The following PPP3CA variants were observed in gnomAD, a reference collection of about 807,000 sequenced individuals.
The protein encoded by PPP3CA is CAM-PRP catalytic subunit.
Under a neutral mutation model 66.5 loss-of-function variants are expected in PPP3CA, and 14 were observed. That is an observed-to-expected ratio of 0.21 (90% confidence interval 0.14 to 0.33). The LOEUF is 0.33. PPP3CA is among the 10% of genes least tolerant of loss of function. The pLI, the probability that PPP3CA is intolerant of heterozygous loss-of-function variation, is 1.00. For synonymous variants in PPP3CA, 232 were observed against 226.2 expected, an observed-to-expected ratio of 1.03 and a Z score of -0.23; for missense variants, 317 against 639.5, an observed-to-expected ratio of 0.50 and a Z score of 5.44.
intron 1 of PPP3CA, among the ~76,000 whole-genome samples, chr4:101,318,270 T>G (rs1391292699): frequency 1.3e-5 from 2 of 152,184 alleles, no homozygotes; most frequent in African/African-American, 2.4e-5. Flanking sequence ...CAGTGCCAAT[T>G]AAATTATTCC....
chr4:101,096,839 C>A (rs1365275208), intron 5 of PPP3CA, among the ~76,000 whole-genome samples: 1 of 152,128 alleles, frequency 6.6e-6, no homozygotes, highest in Non-Finnish European at 1.5e-5. Flanking sequence ...AATGGGAAAA[C>A]ACTGTTTACT....
chr4:101,088,133 C>G (rs999588273), intron 6 of PPP3CA, among the ~76,000 whole-genome samples: 1 of 151,824 alleles, frequency 6.6e-6, no homozygotes, highest in African/African-American at 2.4e-5. Flanking sequence ...TCTCTCTCCC[C>G]CTCCCCACCA....
chr4:101,345,554 G>T (rs1729955229), intron 1 of PPP3CA, among the ~76,000 whole-genome samples: 3 of 152,090 alleles, frequency 2.0e-5, no homozygotes, highest in Admixed American at 1.3e-4. Flanking sequence ...TCTCTGCTTT[G>T]CTTGGTGTCC....
At chr4:101,299,965 G>C (rs1217794715) in intron 1 of PPP3CA, among the ~76,000 whole-genome samples, 1 of 147,422 alleles carries the variant, frequency 6.8e-6, no homozygotes, top group African/African-American at 2.7e-5. Flanking sequence ...ATTTGCAAAG[G>C]TGATCAAGAT....
At chr4:101,162,715 C>T (rs79066523) in intron 2 of PPP3CA, among the ~76,000 whole-genome samples, 2,423 of 152,132 alleles carry the variant, frequency 0.016, 63 homozygotes, top group African/African-American at 0.056. Flanking sequence ...TATGCATGCA[C>T]GCTAATTACA....
At chr4:101,157,865 G>T (rs1578504551) in intron 2 of PPP3CA, among the ~76,000 whole-genome samples, 1 of 77,070 alleles carries the variant, frequency 1.3e-5, no homozygotes, top group East Asian at 4.4e-4. Context: ...TCCTTAGGAG[G>T]CAAAAAAAAA....
chr4:101,241,582 A>C (rs1391639211), intron 1 of PPP3CA, among the ~76,000 whole-genome samples: 1 of 152,270 alleles, frequency 6.6e-6, no homozygotes, highest in East Asian at 1.9e-4. Context: ...ACAATAGCCA[A>C]TATTAATCCA....
At chr4:101,056,001 G>GT (rs1251273371) in intron 10 of PPP3CA, among the ~76,000 whole-genome samples, 1 of 151,756 alleles carries the variant, frequency 6.6e-6, no homozygotes, top group African/African-American at 2.4e-5. Context: ...GCTTATTAGT[G>GT]TTTTTTGTTT....
chr4:101,265,121 A>C (rs968710938), intron 1 of PPP3CA, among the ~76,000 whole-genome samples: 1 of 152,164 alleles, frequency 6.6e-6, no homozygotes, highest in African/African-American at 2.4e-5. Flanking sequence ...ATATGAAATA[A>C]TGCAATAGAG....
intron 1 of PPP3CA, among the ~76,000 whole-genome samples, chr4:101,327,148 T>C (rs1729232665): frequency 6.6e-6 from 1 of 152,226 alleles, no homozygotes; most frequent in South Asian, 2.1e-4. Flanking sequence ...AATAATTATT[T>C]AAAATAGTGA....
At chr4:101,199,974 C>T (rs1466984091) in intron 1 of PPP3CA, among the ~76,000 whole-genome samples, 1 of 152,068 alleles carries the variant, frequency 6.6e-6, no homozygotes, top group Non-Finnish European at 1.5e-5. Flanking sequence ...CAGAGTAATC[C>T]TAGCCCTCAT....
chr4:101,346,145 G>T lies in PPP3CA; in HGVS notation c.58+594C>A, dbSNP rs574547303. Among the ~76,000 whole-genome samples the T allele has an allele frequency of 4.5e-4, 67 of 149,340 alleles. 1 individual carries two copies. The South Asian group carries it at 8.3e-3, about 18-fold the overall frequency. On this transcript the variant is annotated intron_variant, in intron 1 of 13. Coordinates refer to ENST00000394854, the MANE Select transcript of PPP3CA (RefSeq NM_000944.5). Reference sequence around the variant, plus strand: ...GAAGGAAGCGCCGGGCTCCCCCCACGCTCTCCCGCTCTCTCGCGAGTCCTG... The same window carrying T: ...GAAGGAAGCGCCGGGCTCCCCCCACTCTCTCCCGCTCTCTCGCGAGTCCTG...
intron 1 of PPP3CA, among the ~76,000 whole-genome samples, chr4:101,217,105 A>G (rs1324895919): frequency 6.6e-6 from 1 of 152,164 alleles, no homozygotes; most frequent in Non-Finnish European, 1.5e-5. Context: ...TTTGTTGAAG[A>G]AATGAGCCAC....
At chr4:101,240,068 T>C (rs1365430300) in intron 1 of PPP3CA, among the ~76,000 whole-genome samples, 2 of 151,042 alleles carry the variant, frequency 1.3e-5, no homozygotes, top group Non-Finnish European at 3.0e-5. Flanking sequence ...GTGAGGTAGA[T>C]AGTTACTGGA....
intron 11 of PPP3CA, among the ~76,000 whole-genome samples, chr4:101,036,697 C>T (rs1727268998): frequency 6.6e-6 from 1 of 152,226 alleles, no homozygotes; most frequent in Admixed American, 6.5e-5. Flanking sequence ...CAGGCGTGAG[C>T]CACCGCACCC....
chr4:101,047,748 T>C (rs934084383), intron 10 of PPP3CA, among the ~76,000 whole-genome samples: 14 of 152,094 alleles, frequency 9.2e-5, no homozygotes, highest in Non-Finnish European at 1.8e-4. Flanking sequence ...AACTTTAAAA[T>C]ATTTTTGTCA....
At chr4:101,140,939 A>G (rs1722788927) in intron 2 of PPP3CA, among the ~76,000 whole-genome samples, 1 of 152,246 alleles carries the variant, frequency 6.6e-6, no homozygotes, top group Admixed American at 6.5e-5. Context: ...TCTATGAGAT[A>G]CTTTTCACTA....
At chr4:101,193,308 T>C (rs1256118339) in intron 2 of PPP3CA, among the ~76,000 whole-genome samples, 1 of 152,196 alleles carries the variant, frequency 6.6e-6, no homozygotes, top group Non-Finnish European at 1.5e-5. Context: ...TTTTCAACGT[T>C]CCATTTGTGT....
intron 1 of PPP3CA, among the ~76,000 whole-genome samples, chr4:101,271,720 A>T (rs981866428): frequency 6.6e-6 from 1 of 152,154 alleles, no homozygotes; most frequent in African/African-American, 2.4e-5. Context: ...AGTCAGCACC[A>T]CTGGAAGTGG....
Sources: gnomAD v4.1 joint callset for allele counts (sites outside exome capture counted in the v4.1 genomes callset) on GRCh38, gnomAD v4.1.1 for gene constraint, MANE v1.5 for transcripts, NCBI Gene and HGNC (gene_info 2026-07-23, HGNC 2026-07-21) for gene names.